The following FOLH1 variants were observed in gnomAD, a reference collection of about 807,000 sequenced individuals.
The protein encoded by FOLH1 is folate hydrolase 1.
A neutral mutation model predicts 93.9 loss-of-function variants in FOLH1; 54 were observed. The ratio of observed to expected loss-of-function variants is 0.57; its 90% CI spans 0.46 to 0.72. The LOEUF (loss-of-function observed/expected upper bound fraction) is 0.72, where lower values mean the gene tolerates loss of function less well. FOLH1 is among the 30% of genes least tolerant of loss of function. The probability of loss-of-function intolerance (pLI) is 0.00; values close to 1 mark genes in which losing one functional copy is unlikely to be tolerated. For missense variants in FOLH1, 571 were observed against 892.5 expected (o/e 0.64, Z 4.59); for synonymous variants, 249 against 303.6 (o/e 0.82, Z 1.87).
At chr11:49,192,924 A>G in intron 3 of FOLH1, 30 bp from the exon 4 acceptor site, 1 of 1,540,050 alleles carries the variant, frequency 6.5e-7, no homozygotes, top group Non-Finnish European at 8.8e-7. Flanking sequence ...TAATCAAAAT[A>G]AAACAGTTAA....
intron 13 of FOLH1, among the ~76,000 whole-genome samples, chr11:49,162,336 C>T (rs1225881119): frequency 2.6e-5 from 4 of 152,086 alleles, no homozygotes; most frequent in Non-Finnish European, 5.9e-5. Context: ...TTTCTCTATT[C>T]TTGTCTGCCT....
intron 2 of FOLH1, among the ~76,000 whole-genome samples, chr11:49,201,354 T>C (rs114196502): frequency 0.028 from 4,248 of 150,416 alleles, 209 homozygotes; most frequent in African/African-American, 0.098. Flanking sequence ...AATTCCATCC[T>C]TATGGTGATT....
In FOLH1 at chr11:49,154,748, C is replaced by T. The variant is rs536887451; in HGVS notation, c.1624-256G>A. Among the ~76,000 whole-genome samples, 81 of 151,758 alleles carry T rather than the reference C, an allele frequency of 5.3e-4. 1 individual carries two copies. The highest frequency in any genetic ancestry group is 9.7e-4 in the Non-Finnish European group (66 of 67,942). On this transcript the variant is annotated intron_variant, in intron 15 of 18. Transcript: ENST00000256999. ...ATTTGAAAGGGACCAAACTGGCTTG[C>T]CTCTAAGAATGCAGAACATTGCATT...
chr11:49,157,698 T>A (rs1377796414), intron 14 of FOLH1, among the ~76,000 whole-genome samples: 1 of 152,032 alleles, frequency 6.6e-6, no homozygotes, highest in African/African-American at 2.4e-5. Context: ...AAATGACCAA[T>A]CTTTATAATC....
chr11:49,175,799 T>C, intron 8 of FOLH1, 60 bp downstream of exon 8: 1 of 1,464,580 alleles, frequency 6.8e-7, no homozygotes, highest in Non-Finnish European at 9.4e-7. Context: ...TCATCCTCTA[T>C]AGTATTTTTT....
intron 6 of FOLH1, 140 bp downstream of exon 6, chr11:49,185,529 T>C: frequency 8.8e-7 from 1 of 1,135,324 alleles, no homozygotes; most frequent in Non-Finnish European, 1.2e-6. Context: ...CCAATCACTT[T>C]AGAGTTCAAA....
chr11:49,192,993 G>A (rs891286094), intron 3 of FOLH1, 99 bp from the exon 4 acceptor site: 41 of 972,516 alleles, frequency 4.2e-5, no homozygotes, highest in Non-Finnish European at 5.2e-5. Flanking sequence ...TGTCAGTAGA[G>A]GGTGAATGAA....
Position 49,182,825 on chromosome 11 carries a change from T to C in FOLH1, c.920+324A>G, listed in dbSNP as rs1250635258. On this transcript the variant is annotated intron_variant, in intron 7 of 18. Transcript: ENST00000256999. ...GTAGTATCCTTGCCACACTGAGTCA[T>C]TGCCCGAGAACACCTACAGGAAGCA... Among the ~76,000 whole-genome samples the C allele has an allele frequency of 2.0e-5, 3 of 152,102 alleles. No homozygotes were observed. In the East Asian group the frequency reaches 5.8e-4, roughly 29 times the overall value.
At chr11:49,206,814 C>G (rs763096537) in intron 1 of FOLH1, 16 of 1,534,294 alleles carry the variant, frequency 1.0e-5, no homozygotes, top group Non-Finnish European at 1.4e-5. Flanking sequence ...CACGCATAGG[C>G]GGCCAGAAAC....
intron 17 of FOLH1, among the ~76,000 whole-genome samples, chr11:49,150,091 G>C (rs1856315283): frequency 6.6e-6 from 1 of 152,120 alleles, no homozygotes; most frequent in East Asian, 1.9e-4. Context: ...GAGTACCTGG[G>C]ATTACAGTGA....
chr11:49,192,972 ATTATC>A, intron 3 of FOLH1, 78 bp from the exon 4 acceptor site: 20 of 1,246,296 alleles, frequency 1.6e-5, no homozygotes, highest in Non-Finnish European at 2.2e-5. Context: ...AAAAATGAAT[ATTATC>A]TTTTATGTCA....
intron 3 of FOLH1, among the ~76,000 whole-genome samples, chr11:49,199,708 C>T (rs146334210): frequency 0.034 from 5,137 of 152,054 alleles, 126 homozygotes; most frequent in Non-Finnish European, 0.051. Context: ...GTCAGGAGTT[C>T]GAGACTAGCC....
chr11:49,206,984 T>G (rs1487493842), intron 1 of FOLH1: 2 of 571,142 alleles, frequency 3.5e-6, no homozygotes, highest in African/African-American at 3.8e-5. Context: ...GCTTTCCAAT[T>G]ATTAATTATT....
chr11:49,208,517 G>A lies in FOLH1; in HGVS notation c.-108C>T. On this transcript the variant is annotated 5_prime_UTR_variant, in exon 1 of 19. Coordinates refer to ENST00000256999, the MANE Select transcript of FOLH1 (RefSeq NM_004476.3). ...TAAAGTCTCTCTCAATCTCACTAAT[G>A]CCTCGCTTATCAGCCCTGCAGGCTG... 1 of 714,472 alleles carries A rather than the reference G, an allele frequency of 1.4e-6. No individual in the cohort carries two copies. Among genetic ancestry groups the A allele is most frequent in the Non-Finnish European group, 2.3e-6 (1 of 433,504 alleles). The allele number at this position is 714,472 out of a possible 1,614,324, so 44.3% of individuals were successfully genotyped here. A position where few individuals can be genotyped will look rare whatever the true frequency, so the allele number is the denominator to read the frequency against.
At chr11:49,177,735 G>A (rs1163488774) in intron 7 of FOLH1, among the ~76,000 whole-genome samples, 3 of 147,784 alleles carry the variant, frequency 2.0e-5, no homozygotes, top group Non-Finnish European at 4.5e-5. Context: ...ATCACCTGAG[G>A]TCGGGAGTTT....
chr11:49,202,201 G>A (rs187239524), intron 2 of FOLH1, among the ~76,000 whole-genome samples: 36 of 152,226 alleles, frequency 2.4e-4, no homozygotes, highest in South Asian at 8.3e-4. Context: ...ATTAGATTGC[G>A]TATTAAATAG....
intron 7 of FOLH1, among the ~76,000 whole-genome samples, chr11:49,177,971 A>G (rs1860288080): frequency 6.6e-6 from 1 of 151,930 alleles, no homozygotes; most frequent in Non-Finnish European, 1.5e-5. Flanking sequence ...CTCAAAAAAA[A>G]AAAAACAAAA....
intron 7 of FOLH1, among the ~76,000 whole-genome samples, chr11:49,180,052 A>T (rs1425857558): frequency 6.6e-6 from 1 of 152,206 alleles, no homozygotes; most frequent in Non-Finnish European, 1.5e-5. Flanking sequence ...GGTGGCTACT[A>T]AATGCTTGCG....
At chr11:49,155,534 AT>A in intron 15 of FOLH1, 1 of 235,024 alleles carries the variant, frequency 4.3e-6, no homozygotes, top group Non-Finnish European at 8.6e-6. Context: ...CTTCCTTACC[AT>A]TTTTATAACT....
Sources: gnomAD v4.1 joint callset for allele counts (sites outside exome capture counted in the v4.1 genomes callset) on GRCh38, gnomAD v4.1.1 for gene constraint, MANE v1.5 for transcripts, NCBI Gene and HGNC (gene_info 2026-07-23, HGNC 2026-07-21) for gene names.